Variants in SGCZ observed in about 807,000 individuals in gnomAD.
SGCZ encodes sarcoglycan zeta.
In SGCZ, 40 loss-of-function variants were observed where a neutral mutation model predicts 41.3. That is an observed-to-expected ratio of 0.97 (90% confidence interval 0.75 to 1.26). The LOEUF (loss-of-function observed/expected upper bound fraction) is 1.26, where lower values mean the gene tolerates loss of function less well. Among genes scored for constraint, SGCZ ranks in the 50% most tolerant of loss-of-function variants. SGCZ has a pLI of 0.00. For missense variants in SGCZ, 552 were observed against 369.8 expected (o/e 1.49, Z -4.04); for synonymous variants, 206 against 137.5 (o/e 1.50, Z -3.49).
At chr8:14,144,369 C>G (rs1392755353) in intron 5 of SGCZ, among the ~76,000 whole-genome samples, 1 of 152,148 alleles carries the variant, frequency 6.6e-6, no homozygotes, top group Non-Finnish European at 1.5e-5. Context: ...TAGATAGACC[C>G]TGGGCCAGAA....
At chr8:14,282,019 C>A (rs968481431) in intron 3 of SGCZ, among the ~76,000 whole-genome samples, 1 of 152,040 alleles carries the variant, frequency 6.6e-6, no homozygotes, top group African/African-American at 2.4e-5. Context: ...TTATATCCAA[C>A]CAGTTATCAA....
At chr8:14,796,785 G>T (rs1308391572) in intron 1 of SGCZ, among the ~76,000 whole-genome samples, 1 of 152,154 alleles carries the variant, frequency 6.6e-6, no homozygotes, top group East Asian at 1.9e-4. Flanking sequence ...ACATGTGGTG[G>T]TAGGGACCAT....
At position 14,257,751 on chromosome 8, in the gene SGCZ, C is replaced by G. The variant is rs567960885; in HGVS notation, c.337-20072G>C. Reference sequence around the variant, plus strand: ...TGTGGTGTTTGGTTTTTTGTCCTTGCGATAGTTTGCTGAGAATTTTGCAGC... The same window carrying G: ...TGTGGTGTTTGGTTTTTTGTCCTTGGGATAGTTTGCTGAGAATTTTGCAGC... On this transcript the variant is annotated intron_variant, in intron 3 of 7. Transcript: ENST00000382080. 7.9e-5 allele frequency among the ~76,000 whole-genome samples: 12 copies of G among 151,654 alleles called. 1 individual carries two copies. The South Asian group carries it at 2.5e-3, about 32-fold the overall frequency.
intron 1 of SGCZ, among the ~76,000 whole-genome samples, chr8:15,049,156 C>A (rs1325749918): frequency 6.6e-6 from 1 of 152,084 alleles, no homozygotes; most frequent in African/African-American, 2.4e-5. Flanking sequence ...AAATAAAATT[C>A]TGTGGCAGAG....
chr8:15,008,373 G>A (rs1802682565), intron 1 of SGCZ, among the ~76,000 whole-genome samples: 1 of 151,286 alleles, frequency 6.6e-6, no homozygotes, highest in African/African-American at 2.4e-5. Flanking sequence ...TATTGAAGGA[G>A]CCTTAGAAAT....
At chr8:14,102,214 A>T (rs1437857079) in intron 7 of SGCZ, among the ~76,000 whole-genome samples, 162 bp downstream of exon 7, 1 of 151,620 alleles carries the variant, frequency 6.6e-6, no homozygotes, top group Non-Finnish European at 1.5e-5. Context: ...ATACTTCTTG[A>T]ATATGAGATA....
At chr8:14,210,512 G>C (rs957173237) in intron 4 of SGCZ, among the ~76,000 whole-genome samples, 11 of 151,270 alleles carry the variant, frequency 7.3e-5, no homozygotes, top group African/African-American at 2.2e-4. Context: ...GCCCAGACTG[G>C]AGTGCAATGG....
Position 14,819,896 on chromosome 8 carries a change from T to C in SGCZ, c.40-264970A>G, listed in dbSNP as rs117736107. ...ATAATAAAGAGAAAGGAAACAAAGC[T>C]AGCTCCACAGAAAACCACCAAACTA... On this transcript the variant is annotated intron_variant, in intron 1 of 7. Transcript: ENST00000382080. Among the ~76,000 whole-genome samples, 164 of 152,082 alleles carry C rather than the reference T, an allele frequency of 1.1e-3. 2 individuals carry two copies. The highest frequency in any genetic ancestry group is 3.4e-3 in the Middle Eastern group (1 of 294).
chr8:14,483,709 T>C (rs1479323764), intron 2 of SGCZ, among the ~76,000 whole-genome samples: 1 of 152,236 alleles, frequency 6.6e-6, no homozygotes, highest in Admixed American at 6.5e-5. Context: ...GAACTACTAA[T>C]GGGTACGTCT....
intron 2 of SGCZ, among the ~76,000 whole-genome samples, chr8:14,549,717 C>A (rs1803742221): frequency 6.6e-6 from 1 of 151,954 alleles, no homozygotes; most frequent in Non-Finnish European, 1.5e-5. Context: ...ATAGTAAATC[C>A]TATCACAGGG....
chr8:15,093,667 C>G (rs981596151), intron 1 of SGCZ, among the ~76,000 whole-genome samples: 1 of 152,200 alleles, frequency 6.6e-6, no homozygotes, highest in African/African-American at 2.4e-5. Flanking sequence ...CAACAGAACA[C>G]GTTTATTGTA....
At chr8:14,118,419 T>C (rs1802592067) in intron 5 of SGCZ, among the ~76,000 whole-genome samples, 1 of 152,170 alleles carries the variant, frequency 6.6e-6, no homozygotes, top group Non-Finnish European at 1.5e-5. Context: ...TGGGGTTGTT[T>C]TTTTCTTGTA....
intron 4 of SGCZ, among the ~76,000 whole-genome samples, chr8:14,216,854 T>C (rs140082585): frequency 1.6e-4 from 24 of 152,244 alleles, no homozygotes; most frequent in African/African-American, 5.3e-4. Flanking sequence ...AGTCCTAACA[T>C]TGTATTCAGC....
intron 1 of SGCZ, among the ~76,000 whole-genome samples, chr8:15,005,000 T>C (rs1170430750): frequency 6.6e-6 from 1 of 152,186 alleles, no homozygotes; most frequent in African/African-American, 2.4e-5. Flanking sequence ...TTGATACTGA[T>C]GTATGCAGTG....
At position 14,117,559 on chromosome 8, in the gene SGCZ, G is replaced by GA. The variant is rs199791237; in HGVS notation, c.548-9325dup. ...CTTGTAAATACCTTTCCAGAGAATT[G>GA]AAAAAAAAGCTGATGCCCTAATATA... On this transcript the variant is annotated intron_variant, in intron 5 of 7. Transcript: ENST00000382080. Among the ~76,000 whole-genome samples the GA allele has an allele frequency of 2.6e-3, 386 of 150,466 alleles. 2 individuals carry two copies. The East Asian group carries it at 0.027, about 11-fold the overall frequency.
At chr8:15,164,687 CTA>C (rs1307500231) in intron 1 of SGCZ, among the ~76,000 whole-genome samples, 1 of 149,438 alleles carries the variant, frequency 6.7e-6, no homozygotes, top group African/African-American at 2.5e-5. Flanking sequence ...GGCTCCCCAA[CTA>C]TCACTGTTGA....
intron 3 of SGCZ, among the ~76,000 whole-genome samples, chr8:14,238,747 G>C (rs191961034): frequency 1.3e-5 from 2 of 151,120 alleles, no homozygotes; most frequent in Non-Finnish European, 1.5e-5. Context: ...ATAATGTTCT[G>C]GGGGGGGACA....
intron 1 of SGCZ, among the ~76,000 whole-genome samples, chr8:14,632,049 G>A (rs987432932): frequency 8.8e-5 from 7 of 79,706 alleles, no homozygotes; most frequent in African/African-American, 2.3e-4. Context: ...ATAGGGTCTT[G>A]TTCTGTTGCA....
intron 1 of SGCZ, among the ~76,000 whole-genome samples, chr8:14,738,639 A>G (rs749840746): frequency 2.0e-5 from 3 of 152,042 alleles, no homozygotes; most frequent in Non-Finnish European, 4.4e-5. Flanking sequence ...ATGACTTTCT[A>G]AAGCCCATTT....
Sources: gnomAD v4.1 joint callset for allele counts (sites outside exome capture counted in the v4.1 genomes callset) on GRCh38, gnomAD v4.1.1 for gene constraint, MANE v1.5 for transcripts, NCBI Gene and HGNC (gene_info 2026-07-23, HGNC 2026-07-21) for gene names.